CCDC171: variants seen among roughly 807,000 people sequenced by gnomAD.
The protein encoded by CCDC171 is coiled-coil domain containing 171.
A neutral mutation model predicts 168.2 loss-of-function variants in CCDC171; 177 were observed. The ratio of observed to expected loss-of-function variants is 1.05; its 90% CI spans 0.93 to 1.19. The LOEUF (loss-of-function observed/expected upper bound fraction) is 1.19, where lower values mean the gene tolerates loss of function less well. Ranked by LOEUF, CCDC171 falls within the 50% of genes most tolerant of loss-of-function variation. CCDC171 has a pLI of 0.00. For missense variants in CCDC171, 1,991 were observed against 1,539.0 expected, an observed-to-expected ratio of 1.29 and a Z score of -4.91; for synonymous variants, 687 against 540.8, an observed-to-expected ratio of 1.27 and a Z score of -3.75.
intron 16 of CCDC171, among the ~76,000 whole-genome samples, chr9:15,739,958 C>A (rs894128741): frequency 6.6e-6 from 1 of 151,984 alleles, no homozygotes; most frequent in African/African-American, 2.4e-5. Context: ...AGGATGGTCT[C>A]GATCTCCTGG....
At chr9:15,793,331 TTA>T (rs1422620307) in intron 21 of CCDC171, among the ~76,000 whole-genome samples, 2 of 151,754 alleles carry the variant, frequency 1.3e-5, no homozygotes, top group Non-Finnish European at 2.9e-5. Context: ...AAGCAAGTCC[TTA>T]GAGACCTACA....
At chr9:16,065,809 GGTGTGTGTGTGT>G (rs113107786), downstream of CCDC171, among the ~76,000 whole-genome samples, 4 of 144,234 alleles carry the variant, frequency 2.8e-5, no homozygotes, top group Non-Finnish European at 3.0e-5. Flanking sequence ...TTGTGTGCAT[GGTGTGTGTGTGT>G]GTGTGTGTGT....
At chr9:15,748,149 A>T in intron 18 of CCDC171, among the ~76,000 whole-genome samples, 1 of 152,158 alleles carries the variant, frequency 6.6e-6, no homozygotes, top group East Asian at 1.9e-4. Context: ...GCAGCTGAAA[A>T]ACACAGCATG....
At chr9:15,684,527 T>A (rs1434753530) in intron 10 of CCDC171, among the ~76,000 whole-genome samples, 32 of 152,074 alleles carry the variant, frequency 2.1e-4, no homozygotes, top group Non-Finnish European at 2.9e-5. Context: ...AGTTTTTATA[T>A]GTTTCTTCAA....
intron 25 of CCDC171, among the ~76,000 whole-genome samples, chr9:15,952,822 T>A (rs1829358137): frequency 6.6e-6 from 1 of 152,232 alleles, no homozygotes; most frequent in Admixed American, 6.5e-5. Flanking sequence ...TAACATGAGA[T>A]ATGTTTCCAT....
the CCDC171 span, among the ~76,000 whole-genome samples, chr9:16,081,808 T>C: frequency 6.6e-6 from 1 of 152,144 alleles, no homozygotes; most frequent in Non-Finnish European, 1.5e-5. Flanking sequence ...CAATGTTGGC[T>C]GTATTTGTAT....
chr9:15,571,667 G>T lies in CCDC171; in HGVS notation c.85G>T (p.Glu29Ter), dbSNP rs779490761. ...SLDVKQILKN[E>*]TELDITDNLR... ...GGATGTAAAACAAATACTTAAAAAT[G>T]AAACAGAGTTGGATATTACTGATAA... Residue 29 changes from glutamate (E) to a stop codon, truncating the protein, a stop_gained, in exon 3 of 26, where the codon GAA becomes TAA. Coordinates refer to ENST00000380701, the MANE Select transcript of CCDC171 (RefSeq NM_173550.4). LOFTEE classifies it high-confidence loss of function. The T allele has an allele frequency of 1.9e-6, 3 of 1,568,630 alleles. No homozygotes were observed. The highest frequency in any genetic ancestry group is 2.6e-6 in the Non-Finnish European group (3 of 1,165,052).
At chr9:15,936,993 A>G (rs1827193710) in intron 25 of CCDC171, among the ~76,000 whole-genome samples, 1 of 152,074 alleles carries the variant, frequency 6.6e-6, no homozygotes, top group African/African-American at 2.4e-5. Context: ...TGGACATTAA[A>G]GGGATAGTTA....
At chr9:15,656,344 A>G (rs1280961263) in intron 7 of CCDC171, among the ~76,000 whole-genome samples, 5 of 151,994 alleles carry the variant, frequency 3.3e-5, no homozygotes, top group Admixed American at 2.0e-4. Context: ...AAACAAATCA[A>G]TATGTACCTG....
chr9:15,704,213 C>T (rs10810430), intron 11 of CCDC171, among the ~76,000 whole-genome samples: 1 of 151,984 alleles, frequency 6.6e-6, no homozygotes, highest in African/African-American at 2.4e-5. Context: ...GTAGCACATT[C>T]TTAGAATTTG....
chr9:15,621,649 G>A (rs1295397811), intron 6 of CCDC171, among the ~76,000 whole-genome samples: 6 of 152,166 alleles, frequency 3.9e-5, no homozygotes, highest in Non-Finnish European at 8.8e-5. Context: ...GCGAGGTTGT[G>A]GAGAAAAGGG....
At chr9:15,799,040 A>G (rs973617057) in intron 21 of CCDC171, among the ~76,000 whole-genome samples, 1 of 150,294 alleles carries the variant, frequency 6.7e-6, no homozygotes, top group Admixed American at 6.7e-5. Context: ...TGTATTCTAA[A>G]CTCCATACTA....
chr9:15,635,287 C>G (rs904182326), intron 7 of CCDC171, among the ~76,000 whole-genome samples: 4 of 152,114 alleles, frequency 2.6e-5, no homozygotes, highest in Non-Finnish European at 5.9e-5. Flanking sequence ...CCCTTTTTAT[C>G]ATTTTATGTG....
At chr9:15,617,487 C>T (rs753530975) in intron 6 of CCDC171, among the ~76,000 whole-genome samples, 3 of 151,754 alleles carry the variant, frequency 2.0e-5, no homozygotes, top group Non-Finnish European at 4.4e-5. Context: ...TGCCATTCTC[C>T]TGCCTCAGCC....
At chr9:15,591,881 T>G (rs1296784396) in intron 5 of CCDC171, among the ~76,000 whole-genome samples, 1 of 152,150 alleles carries the variant, frequency 6.6e-6, no homozygotes, top group Non-Finnish European at 1.5e-5. Context: ...TTTAGAAATA[T>G]GGGCCCTGGA....
chr9:15,993,306 C>T (rs1832262454), intron 3 of CCDC171, among the ~76,000 whole-genome samples: 1 of 152,180 alleles, frequency 6.6e-6, no homozygotes, highest in African/African-American at 2.4e-5. Flanking sequence ...CTACAACCAG[C>T]TGATCTTTGA....
chr9:15,865,102 T>G (rs935086368), intron 23 of CCDC171, among the ~76,000 whole-genome samples: 1 of 152,030 alleles, frequency 6.6e-6, no homozygotes, highest in African/African-American at 2.4e-5. Flanking sequence ...AGACCTTGTG[T>G]CTATAAATCC....
At chr9:16,002,131 T>A (rs970288800) in intron 3 of CCDC171, among the ~76,000 whole-genome samples, 9 of 97,282 alleles carry the variant, frequency 9.3e-5, no homozygotes, top group Non-Finnish European at 1.9e-4. Context: ...CCCAGCCTAC[T>A]ATCATTTTTT....
At chr9:15,776,803 A>G (rs1040594165) in intron 18 of CCDC171, among the ~76,000 whole-genome samples, 3 of 152,218 alleles carry the variant, frequency 2.0e-5, no homozygotes, top group Non-Finnish European at 4.4e-5. Context: ...TATGATGTAA[A>G]GACAAGATTT....
Sources: allele counts gnomAD v4.1 joint callset (sites outside exome capture counted in the v4.1 genomes callset), GRCh38; gene constraint gnomAD v4.1.1; transcripts MANE v1.5; gene names NCBI Gene and HGNC (gene_info 2026-07-23, HGNC 2026-07-21).